PCDHGA12: variants seen among roughly 807,000 people sequenced by gnomAD.
PCDHGA12 encodes the protein protocadherin gamma subfamily A, 12, also known as protocadherin gamma-A12.
PCDHGA12 carries 43 observed loss-of-function variants against 61.1 expected under a neutral mutation model. The ratio of observed to expected loss-of-function variants is 0.70; its 90% CI spans 0.55 to 0.91. The LOEUF (loss-of-function observed/expected upper bound fraction) is 0.91. PCDHGA12 is among the 40% of genes least tolerant of loss of function. The probability of loss-of-function intolerance (pLI) is 0.00; values close to 1 mark genes in which losing one functional copy is unlikely to be tolerated. For synonymous variants in PCDHGA12, 520 were observed against 542.9 expected (o/e 0.96, Z 0.59); for missense variants, 1,236 against 1,227.7 (o/e 1.01, Z -0.10).
rs2099883775 is a variant in PCDHGA12 at position 141,511,415 on chromosome 5, A to G, written c.*242A>G. On this transcript the variant is annotated 3_prime_UTR_variant, in exon 4 of 4. Transcript: ENST00000252085. ...CCCCATCCAATCAACTGCTGTACCC[A>G]TGGGGGTAGTGGGGTTACTGTAGAC... 1.2e-6 allele frequency: 1 copy of G among 868,992 alleles called. No individual in the cohort carries two copies. The highest frequency in any genetic ancestry group is 2.9e-5 in the East Asian group (1 of 34,592). The allele number at this position is 868,992 out of a possible 1,614,324, so 53.8% of individuals were successfully genotyped here.
At chr5:141,433,362 T>C (rs1285511534) in intron 1 of PCDHGA12, 179 bp downstream of exon 1, 6 of 299,814 alleles carry the variant, frequency 2.0e-5, no homozygotes, top group Non-Finnish European at 2.5e-5. Flanking sequence ...TGTCTGCCTA[T>C]CTATCTATCT....
In PCDHGA12 at chr5:141,503,604, A is replaced by G. The variant is rs189211439; in HGVS notation, c.2484-1789A>G. 5.2e-3 allele frequency among the ~76,000 whole-genome samples: 793 copies of G among 151,946 alleles called. 3 individuals carry two copies. The highest frequency in any genetic ancestry group is 8.3e-3 in the Non-Finnish European group (566 of 67,924). On this transcript the variant is annotated intron_variant, in intron 2 of 3. Coordinates refer to ENST00000252085, the MANE Select transcript of PCDHGA12 (RefSeq NM_003735.3). ...ACAGAGCGAGACTCCAGCTCAAAAA[A>G]AAAAAAAAAAGAAAAAAGAAAAGAA...
At position 141,479,006 on chromosome 5, in the gene PCDHGA12, T is replaced by C. The variant is rs148063283; in HGVS notation, c.2425-15801T>C. On this transcript the variant is annotated intron_variant, in intron 1 of 3. Transcript: ENST00000252085. ...ACATTTGTATTAAAACTAATAGCTT[T>C]TTGATAATTTTCCTTTGTTTATACA... Among the ~76,000 whole-genome samples the C allele has an allele frequency of 1.2e-3, 179 of 152,340 alleles. 2 individuals are homozygous for C. The highest frequency in any genetic ancestry group is 0.011 in the Admixed American group (170 of 15,300).
At chr5:141,506,636 C>T (rs1421676205) in intron 3 of PCDHGA12, among the ~76,000 whole-genome samples, 2 of 152,020 alleles carry the variant, frequency 1.3e-5, no homozygotes, top group South Asian at 2.1e-4. Context: ...AATGCAAGTC[C>T]CTCAGCACAG....
intron 3 of PCDHGA12, chr5:141,508,127 G>A (rs1220643878): frequency 6.6e-6 from 1 of 152,628 alleles, no homozygotes; most frequent in Non-Finnish European, 1.5e-5. Context: ...ACAGAGGGAG[G>A]TCAGGGAGCT....
rs1193095881 is a variant in PCDHGA12 at position 141,490,273 on chromosome 5, G to T, written c.2425-4534G>T. On this transcript the variant is annotated intron_variant, in intron 1 of 3. Coordinates refer to ENST00000252085, the MANE Select transcript of PCDHGA12 (RefSeq NM_003735.3). This position sits in a 1 kb window ranked among gnomAD's most constrained non-coding sequence, Gnocchi z 5.4. ...TCAAGTGGATGTGGGGGATGTCAAT[G>T]ACAATGCCCCAGAGGTGCTATTGGC... 6.2e-7 allele frequency: 1 copy of T among 1,614,108 alleles called. No homozygotes were observed. The highest frequency in any genetic ancestry group is 8.5e-7 in the Non-Finnish European group (1 of 1,180,052).
chr5:141,456,098 C>A (rs1222639126), intron 1 of PCDHGA12, among the ~76,000 whole-genome samples: 1 of 151,980 alleles, frequency 6.6e-6, no homozygotes. Context: ...GGGATTTCAC[C>A]GTGTTAGCCA....
intron 3 of PCDHGA12, among the ~76,000 whole-genome samples, chr5:141,509,596 G>A (rs538867815): frequency 1.3e-5 from 2 of 152,258 alleles, no homozygotes; most frequent in Admixed American, 6.5e-5. Context: ...TGGCAATTCC[G>A]AGAGGCTGCA....
At chr5:141,502,035 G>C (rs1371892057) in intron 2 of PCDHGA12, among the ~76,000 whole-genome samples, 1 of 152,078 alleles carries the variant, frequency 6.6e-6, no homozygotes, top group Non-Finnish European at 1.5e-5. Context: ...CCCGCCGCTT[G>C]CCTGCTCTCC....
chr5:141,476,438 C>G lies in PCDHGA12; in HGVS notation c.2425-18369C>G. On this transcript the variant is annotated intron_variant, in intron 1 of 3. Coordinates refer to ENST00000252085, the MANE Select transcript of PCDHGA12 (RefSeq NM_003735.3). This position sits in a 1 kb window ranked among gnomAD's most constrained non-coding sequence, Gnocchi z 7.6. The stretch of plus-strand genomic sequence containing the variant: ...GACACTGCCCTCTTGCACTGTAACT[C>G]TGGAGTTGGTAGTGGAGAACCCGCT... 1 of 1,614,090 alleles carries G rather than the reference C, an allele frequency of 6.2e-7. No homozygotes were observed. Among genetic ancestry groups the G allele is most frequent in the Non-Finnish European group, 8.5e-7 (1 of 1,180,026 alleles).
intron 2 of PCDHGA12, among the ~76,000 whole-genome samples, chr5:141,496,748 C>T (rs1382244657): frequency 6.6e-6 from 1 of 152,130 alleles, no homozygotes; most frequent in African/African-American, 2.4e-5. Flanking sequence ...ATTTATTCAA[C>T]AAATATTTAT....
intron 3 of PCDHGA12, among the ~76,000 whole-genome samples, chr5:141,509,745 T>C (rs1456852988): frequency 6.6e-6 from 1 of 152,186 alleles, no homozygotes; most frequent in East Asian, 1.9e-4. Context: ...TCTGAGCCTG[T>C]GCCTAAAGTG....
intron 1 of PCDHGA12, among the ~76,000 whole-genome samples, chr5:141,439,104 A>G (rs924055175): frequency 6.6e-6 from 1 of 151,676 alleles, no homozygotes; most frequent in African/African-American, 2.4e-5. Flanking sequence ...GAGGCAAGAG[A>G]ATCACTTGAA....
chr5:141,443,274 A>G (rs1259320198), intron 1 of PCDHGA12, among the ~76,000 whole-genome samples: 12 of 151,534 alleles, frequency 7.9e-5, no homozygotes, highest in African/African-American at 1.7e-4. Context: ...TGAGCCCAGG[A>G]GTTTGAGACC....
intron 1 of PCDHGA12, among the ~76,000 whole-genome samples, chr5:141,474,990 A>G (rs1245269630): frequency 6.6e-6 from 1 of 152,222 alleles, no homozygotes; most frequent in African/African-American, 2.4e-5. Context: ...GGTGACAACA[A>G]TTCTAAATGC....
chr5:141,494,950 A>T, intron 2 of PCDHGA12, 85 bp downstream of exon 2: 2 of 1,607,070 alleles, frequency 1.2e-6, no homozygotes, highest in African/African-American at 2.7e-5. Context: ...AGGGCCCAGC[A>T]TTTGCTACAG....
chr5:141,472,095 C>T (rs1186697747), intron 1 of PCDHGA12, among the ~76,000 whole-genome samples: 1 of 151,998 alleles, frequency 6.6e-6, no homozygotes, highest in African/African-American at 2.4e-5. Flanking sequence ...TATTATTATT[C>T]CCATTTTATA....
In PCDHGA12 at chr5:141,432,897, C is replaced by A. The variant is rs780142081; in HGVS notation, c.2138C>A (p.Ala713Glu). 1.2e-6 allele frequency: 2 copies of A among 1,614,178 alleles called. No individual in the cohort carries two copies. Among genetic ancestry groups the A allele is most frequent in the Non-Finnish European group, 1.7e-6 (2 of 1,180,010 alleles). Residue 713 changes from alanine to glutamate, a missense_variant, in exon 1 of 4, where the codon GCG becomes GAG. Coordinates refer to ENST00000252085, the MANE Select transcript of PCDHGA12 (RefSeq NM_003735.3). The surrounding 1 kb of genome is among the most constrained non-coding windows in gnomAD (Gnocchi z 6.0). ...CTGGCCTTCGTCATCTTGCTGCTGGCGCTCAGGCTGCGGCGCTGGCACAAG... is the reference window on the plus strand; with the variant it reads ...CTGGCCTTCGTCATCTTGCTGCTGGAGCTCAGGCTGCGGCGCTGGCACAAG... ...VFLAFVILLL[A>E]LRLRRWHKSR...
Position 141,510,990 on chromosome 5 carries a change from C to T in PCDHGA12, c.2616C>T (p.Thr872=). ...GSSTLGGGAG[T]MGLSARYGPQ... ...CCACCCTGGGAGGGGGTGCCGGCAC[C>T]ATGGGATTGAGCGCCCGCTACGGAC... The change falls in exon 4 of 4, where the codon ACC becomes ACT. Residue 872 remains threonine, a synonymous_variant. Transcript: ENST00000252085. The T allele has an allele frequency of 2.5e-6, 4 of 1,614,166 alleles. No homozygotes were observed. Among genetic ancestry groups the T allele is most frequent in the Non-Finnish European group, 3.4e-6 (4 of 1,180,014 alleles).
Sources: gnomAD v4.1 joint callset for allele counts (sites outside exome capture counted in the v4.1 genomes callset) on GRCh38, gnomAD v4.1.1 for gene constraint, Gnocchi (gnomAD v3.1) non-coding constraint, MANE v1.5 for transcripts, NCBI Gene and HGNC (gene_info 2026-07-23, HGNC 2026-07-21) for gene names.